RUNX3: variants seen among roughly 807,000 people sequenced by gnomAD.
RUNX3 encodes runt-related transcription factor 3.
In RUNX3, 10 loss-of-function variants were observed where a neutral mutation model predicts 27.7. That is an observed-to-expected ratio of 0.36 (90% CI 0.22 to 0.61). The LOEUF (loss-of-function observed/expected upper bound fraction) is 0.61, where lower values mean the gene tolerates loss of function less well. RUNX3 is among the 20% of genes least tolerant of loss of function. The pLI is 0.72. For missense variants in RUNX3, 469 were observed against 629.5 expected (o/e 0.75, Z 2.73); for synonymous variants, 270 against 269.2 (o/e 1.00, Z -0.03).
intron 2 of RUNX3, among the ~76,000 whole-genome samples, chr1:24,937,870 G>A (rs1209119487): frequency 6.6e-6 from 1 of 152,202 alleles, no homozygotes; most frequent in East Asian, 1.9e-4. Context: ...TTTCCATGCA[G>A]GTCACTGCCT....
intron 3 of RUNX3, among the ~76,000 whole-genome samples, chr1:24,918,807 G>A (rs1004986655): frequency 4.6e-5 from 7 of 152,142 alleles, no homozygotes; most frequent in African/African-American, 1.4e-4. Context: ...AGTTTCCAAG[G>A]AAGAGGCCTG....
rs181820899 is a variant in RUNX3, at chr1:24,951,512, G to A, written c.58+13002C>T. Among the ~76,000 whole-genome samples, 359 of 152,322 alleles carry A rather than the reference G, an allele frequency of 2.4e-3. 1 individual carries two copies. The highest frequency in any genetic ancestry group is 3.9e-3 in the Non-Finnish European group (266 of 68,030). On this transcript the variant is annotated intron_variant, in intron 2 of 6. Transcript: ENST00000338888. ...CAGACGAGGAAACTGAAGCCCAGAGGAGGCAATGACTCACCCAGTAAGAAG... is the reference window on the plus strand; with the variant it reads ...CAGACGAGGAAACTGAAGCCCAGAGAAGGCAATGACTCACCCAGTAAGAAG...
At chr1:24,940,052 G>C (rs180732730) in intron 2 of RUNX3, among the ~76,000 whole-genome samples, 1 of 152,244 alleles carries the variant, frequency 6.6e-6, no homozygotes, top group Non-Finnish European at 1.5e-5. Flanking sequence ...TGGAGACTTT[G>C]CCCTGGAGGA....
At chr1:24,930,293 G>A (rs1641195813), upstream of RUNX3, 1 of 965,498 alleles carries the variant, frequency 1.0e-6, no homozygotes, top group Non-Finnish European at 1.2e-6. The surrounding 1 kb of genome is among the most constrained non-coding windows in gnomAD (Gnocchi z 4.1). Context: ...GCGGCCGCCC[G>A]CGCGGGGTTA....
At chr1:24,910,895 A>G (rs546908493) in intron 3 of RUNX3, among the ~76,000 whole-genome samples, 43 of 152,310 alleles carry the variant, frequency 2.8e-4, no homozygotes, top group Admixed American at 2.4e-3. Context: ...TCAGATGCCC[A>G]TGGGGATGGG....
In RUNX3 at chr1:24,943,590, T is replaced by C. The variant is rs1052563462; in HGVS notation, c.59-13738A>G. Among the ~76,000 whole-genome samples the C allele has an allele frequency of 2.0e-5, 3 of 152,196 alleles. No homozygotes were observed. The highest frequency in any genetic ancestry group is 1.3e-4 in the Admixed American group (2 of 15,282). On this transcript the variant is annotated intron_variant, in intron 2 of 6. Coordinates refer to the RUNX3 transcript ENST00000338888. The surrounding 1 kb of genome is among the most constrained non-coding windows in gnomAD (Gnocchi z 4.6). ...TTAGGAAATAAGAGCCCTGGAACAGTTGGCCAGTGCGGAGAGGACCCCCGA... is the reference window on the plus strand; with the variant it reads ...TTAGGAAATAAGAGCCCTGGAACAGCTGGCCAGTGCGGAGAGGACCCCCGA...
chr1:24,951,632 G>A (rs1389044913), intron 2 of RUNX3, among the ~76,000 whole-genome samples: 1 of 152,116 alleles, frequency 6.6e-6, no homozygotes, highest in Admixed American at 6.5e-5. Flanking sequence ...AAGCTCGTGG[G>A]GGCACCACCA....
chr1:24,918,796 CA>C (rs886582788), intron 3 of RUNX3, among the ~76,000 whole-genome samples: 1 of 152,206 alleles, frequency 6.6e-6, no homozygotes, highest in African/African-American at 2.4e-5. Context: ...TTCAAAGACT[CA>C]GTTTCCAAGG....
intron 1 of RUNX3, among the ~76,000 whole-genome samples, chr1:24,928,584 G>T (rs1182717471): frequency 6.6e-6 from 1 of 152,228 alleles, no homozygotes; most frequent in Admixed American, 6.5e-5. Context: ...AAGAAGACCA[G>T]ATTTCCTGTC....
rs532015902 is a variant in RUNX3, at chr1:24,927,168, G to C, written c.439+406C>G. Among the ~76,000 whole-genome samples the C allele has an allele frequency of 6.6e-6, 1 of 152,176 alleles. No individual in the cohort carries two copies. The highest frequency in any genetic ancestry group is 2.4e-5 in the African/African-American group (1 of 41,454). Reference sequence around the variant, plus strand: ...GGATATTCTGCCCCCTATGGAGAGAGTGGCTGGGGTGCTTGGGCCCCACAG... The same window carrying C: ...GGATATTCTGCCCCCTATGGAGAGACTGGCTGGGGTGCTTGGGCCCCACAG... On this transcript the variant is annotated intron_variant, in intron 2 of 4. Transcript: ENST00000308873. The surrounding 1 kb of genome is among the most constrained non-coding windows in gnomAD (Gnocchi z 5.0).
chr1:24,964,854 G>A (rs1376030764), exon 1 of RUNX3: 16 of 640,998 alleles, frequency 2.5e-5, no homozygotes, highest in African/African-American at 5.6e-5. Context: ...TTGGATTCCC[G>A]GTCCCACAGG....
At chr1:24,914,448 G>A (rs999048503) in intron 3 of RUNX3, among the ~76,000 whole-genome samples, 6 of 152,216 alleles carry the variant, frequency 3.9e-5, no homozygotes, top group Non-Finnish European at 5.9e-5. Flanking sequence ...AATCGCAGGC[G>A]GGTGCCGGGC....
intron 2 of RUNX3, among the ~76,000 whole-genome samples, chr1:24,956,049 T>C (rs1407137070): frequency 6.6e-6 from 1 of 152,216 alleles, no homozygotes; most frequent in Non-Finnish European, 1.5e-5. Context: ...GCACCTACTG[T>C]ATGCATGGCT....
At chr1:24,946,164 T>C (rs1468901945) in intron 2 of RUNX3, among the ~76,000 whole-genome samples, 1 of 152,188 alleles carries the variant, frequency 6.6e-6, no homozygotes, top group Non-Finnish European at 1.5e-5. Context: ...AGAACAATCC[T>C]GAACCGCCCC....
At position 24,953,297 on chromosome 1, in the gene RUNX3, G is replaced by A. The variant is rs201530537; in HGVS notation, c.58+11217C>T. ...GGAGAATGGCGTGAACCCAGGAGGC[G>A]GAGCTTGCAGTGAGTGCGATTGCGC... On this transcript the variant is annotated intron_variant, in intron 2 of 6. Transcript: ENST00000338888. Among the ~76,000 whole-genome samples, 16 of 149,756 alleles carry A rather than the reference G, an allele frequency of 1.1e-4. No homozygotes were observed. In the East Asian group the frequency reaches 2.2e-3, roughly 20 times the overall value.
intron 2 of RUNX3, among the ~76,000 whole-genome samples, chr1:24,942,687 A>T (rs1641506980): frequency 6.6e-6 from 1 of 152,158 alleles, no homozygotes; most frequent in African/African-American, 2.4e-5. Flanking sequence ...TAAAACTCTT[A>T]CTGCCCTTTC....
chr1:24,946,729 T>C (rs957346014), intron 2 of RUNX3, among the ~76,000 whole-genome samples: 4 of 152,086 alleles, frequency 2.6e-5, no homozygotes, highest in Admixed American at 6.5e-5. Context: ...GAGACCAGTA[T>C]AGACACTGAG....
chr1:24,919,311 G>C lies in RUNX3; in HGVS notation c.473C>G (p.Thr158Ser). 6.2e-7 allele frequency: 1 copy of C among 1,609,332 alleles called. No individual in the cohort carries two copies. The highest frequency in any genetic ancestry group is 1.7e-5 in the Admixed American group (1 of 59,454). Residue 158 changes from threonine (T) to serine (S), a missense_variant, in exon 3 of 5, where the codon ACC becomes AGC. Thr to Ser is a moderately conservative substitution (Grantham distance 58, BLOSUM62 1). This residue lies in a region of RUNX3 where 75 missense variants were observed against 168.5 expected (regional missense o/e 0.45). Transcript: ENST00000308873. ...GTAGGTCGCCACTTGGGTGGGGTTG[G>C]TGAACACAGTGATGGTCAGGGTGAA... ...KSFTLTITVF[T>S]NPTQVATYHR...
intron 3 of RUNX3, among the ~76,000 whole-genome samples, chr1:24,912,160 T>C (rs1322321937): frequency 6.6e-6 from 1 of 152,234 alleles, no homozygotes; most frequent in Non-Finnish European, 1.5e-5. Context: ...TGGGGAGCTC[T>C]GGCTCTAACC....
Sources: allele counts gnomAD v4.1 joint callset (sites outside exome capture counted in the v4.1 genomes callset), GRCh38; gene constraint gnomAD v4.1.1; regional missense constraint gnomAD v4.1.1; non-coding constraint Gnocchi (gnomAD v3.1); transcripts MANE v1.5; gene names NCBI Gene and HGNC (gene_info 2026-07-23, HGNC 2026-07-21).